The following B9D1 variants were observed in gnomAD, a reference collection of about 807,000 sequenced individuals.
B9D1 encodes B9 domain-containing protein 1.
B9D1 carries 20 observed loss-of-function variants against 26.1 expected under a neutral mutation model. The ratio of observed to expected loss-of-function variants is 0.77; its 90% CI spans 0.54 to 1.12. The LOEUF is 1.12. Among genes scored for constraint, B9D1 ranks in the 50% most tolerant of loss-of-function variants. B9D1 has a pLI of 0.00. For synonymous variants in B9D1, 105 were observed against 103.1 expected, an observed-to-expected ratio of 1.02 and a Z score of -0.11; for missense variants, 260 against 273.7, an observed-to-expected ratio of 0.95 and a Z score of 0.35.
At chr17:19,356,493 A>C (rs1910374717) in intron 3 of B9D1, among the ~76,000 whole-genome samples, 1 of 152,154 alleles carries the variant, frequency 6.6e-6, no homozygotes, top group Non-Finnish European at 1.5e-5. Context: ...CTGAGCTGAA[A>C]TCCCTGTGAG....
At chr17:19,369,830 TG>T (rs1911797916) in intron 1 of B9D1, among the ~76,000 whole-genome samples, 1 of 152,232 alleles carries the variant, frequency 6.6e-6, no homozygotes. Context: ...CGATTGCTTC[TG>T]GAAGACTCGC....
Position 19,343,606 on chromosome 17 carries a change from G to T in B9D1, c.473-145C>A, listed in dbSNP as rs556859873. On this transcript the variant is annotated intron_variant, in intron 6 of 6. Transcript: ENST00000261499. ...AAGCCCCTCACTGGGAGGTAAAGGG[G>T]CTGCCGGGACAGGCAGACATGACAA... is the stretch of plus-strand genomic sequence containing the variant. The T allele has an allele frequency of 4.4e-5, 69 of 1,572,728 alleles. No homozygotes were observed. The East Asian group carries it at 1.6e-3, about 36-fold the overall frequency.
intron 3 of B9D1, chr17:19,357,513 C>G (rs1308855853): frequency 1.7e-5 from 7 of 408,502 alleles, no homozygotes; most frequent in Middle Eastern, 7.6e-4. Flanking sequence ...TCAGCAGGCA[C>G]AGAGTCAGGC....
chr17:19,377,661 T>A (rs1912209625), intron 1 of B9D1: 1 of 182,296 alleles, frequency 5.5e-6, no homozygotes, highest in South Asian at 1.9e-4. Context: ...GGGGCGGTGC[T>A]CCATAAACAT....
At chr17:19,338,731 C>T (rs957157899), downstream of B9D1, among the ~76,000 whole-genome samples, 18 of 152,274 alleles carry the variant, frequency 1.2e-4, no homozygotes, top group East Asian at 1.5e-3. Context: ...TGGGGGAGAA[C>T]GGAGGTGTTC....
intron 3 of B9D1, among the ~76,000 whole-genome samples, chr17:19,351,415 T>C (rs1387135836): frequency 6.6e-6 from 1 of 152,252 alleles, no homozygotes; most frequent in East Asian, 1.9e-4. Flanking sequence ...AATATTTTGT[T>C]TGGGAGTTTT....
chr17:19,346,771 C>A lies in B9D1; in HGVS notation c.404+498G>T, dbSNP rs544316596. Among the ~76,000 whole-genome samples the A allele has an allele frequency of 3.3e-5, 5 of 152,320 alleles. No homozygotes were observed. In the South Asian group the frequency reaches 1.0e-3, roughly 32 times the overall value. Reference sequence around the variant, plus strand: ...CACACCACCGTCCTGGCTTCTCTAGCATGCTAAGCTCACGCTCTCCTCAGC... The same window carrying A: ...CACACCACCGTCCTGGCTTCTCTAGAATGCTAAGCTCACGCTCTCCTCAGC... On this transcript the variant is annotated intron_variant, in intron 5 of 6. Coordinates refer to ENST00000261499, the MANE Select transcript of B9D1 (RefSeq NM_015681.6).
rs143149764 is a variant in B9D1, at chr17:19,347,782, A to G, written c.341+2T>C. On this transcript the variant is annotated splice_donor_variant, in intron 4 of 6. Transcript: ENST00000261499. LOFTEE classifies it high-confidence loss of function. The surrounding 1 kb of genome is among the most constrained non-coding windows in gnomAD (Gnocchi z 4.3). ...AGGGCCCAGGTCAGAATGAGGACCT[A>G]CCGGCCAGGTGAGAAGGGCACGTGC... The G allele has an allele frequency of 4.4e-5, 71 of 1,613,852 alleles. No homozygotes were observed. The highest frequency in any genetic ancestry group is 5.8e-5 in the Non-Finnish European group (68 of 1,179,796).
At chr17:19,373,310 T>G (rs1267690428) in intron 1 of B9D1, among the ~76,000 whole-genome samples, 1 of 152,124 alleles carries the variant, frequency 6.6e-6, no homozygotes, top group African/African-American at 2.4e-5. Flanking sequence ...TGCTTCTTGG[T>G]TCCTCATTTT....
At chr17:19,351,103 T>C (rs1196634666) in intron 3 of B9D1, among the ~76,000 whole-genome samples, 1 of 152,036 alleles carries the variant, frequency 6.6e-6, no homozygotes, top group Non-Finnish European at 1.5e-5. Context: ...CCTCCCAAAG[T>C]GCTGGGATTA....
At chr17:19,375,059 G>A (rs182769440) in intron 1 of B9D1, among the ~76,000 whole-genome samples, 20 of 152,286 alleles carry the variant, frequency 1.3e-4, no homozygotes, top group African/African-American at 3.9e-4. Flanking sequence ...GGAGGCTGAC[G>A]TAGGCCGATC....
Position 19,362,674 on chromosome 17 carries a change from C to G in B9D1, c.-105G>C. ...ACGGCGTAGCGCGCAGGACACGTTTCTTGGCAGCGACACCTTCGCGAAGGC... is the reference window on the plus strand; with the variant it reads ...ACGGCGTAGCGCGCAGGACACGTTTGTTGGCAGCGACACCTTCGCGAAGGC... On this transcript the variant is annotated 5_prime_UTR_variant, in exon 1 of 7. Coordinates refer to ENST00000261499, the MANE Select transcript of B9D1 (RefSeq NM_015681.6). 1 of 1,543,034 alleles carries G rather than the reference C, an allele frequency of 6.5e-7. No homozygotes were observed. Among genetic ancestry groups the G allele is most frequent in the South Asian group, 1.2e-5 (1 of 83,980 alleles).
chr17:19,344,508 C>T (rs763348089), intron 5 of B9D1: 4 of 279,992 alleles, frequency 1.4e-5, no homozygotes, highest in African/African-American at 4.7e-5. Flanking sequence ...CAGGCCCCGC[C>T]GCCGACACAC....
chr17:19,373,933 T>C (rs1912000873), intron 1 of B9D1, among the ~76,000 whole-genome samples: 1 of 152,214 alleles, frequency 6.6e-6, no homozygotes, highest in Non-Finnish European at 1.5e-5. Flanking sequence ...ATTTGTCTAC[T>C]CAAAAATCCT....
At chr17:19,352,774 G>A (rs1940762378) in intron 3 of B9D1, among the ~76,000 whole-genome samples, 1 of 151,904 alleles carries the variant, frequency 6.6e-6, no homozygotes, top group Non-Finnish European at 1.5e-5. Flanking sequence ...GCCCGCCTTG[G>A]CCTCCCAAAG....
At position 19,370,072 on chromosome 17, in the gene B9D1, T is replaced by C. The variant is rs1338096574; in HGVS notation, c.-298+7787A>G. Among the ~76,000 whole-genome samples, 1 of 152,010 alleles carries C rather than the reference T, an allele frequency of 6.6e-6. No individual in the cohort carries two copies. Among genetic ancestry groups the C allele is most frequent in the Non-Finnish European group, 1.5e-5 (1 of 68,006 alleles). On this transcript the variant is annotated intron_variant, in intron 1 of 5. Transcript: ENST00000477478. The surrounding 1 kb of genome is among the most constrained non-coding windows in gnomAD (Gnocchi z 5.1). ...TCACAGGAAACCAGACAAGCTAGAGTTGTCACCACACCCTGGACTCAGAGA... is the reference window on the plus strand; with the variant it reads ...TCACAGGAAACCAGACAAGCTAGAGCTGTCACCACACCCTGGACTCAGAGA...
chr17:19,341,195 G>T (rs143874930), downstream of B9D1: 4 of 1,231,570 alleles, frequency 3.2e-6, no homozygotes, highest in Non-Finnish European at 4.0e-6. Context: ...TGGGGCCTGA[G>T]GCTTGTACGT....
chr17:19,341,229 A>G, downstream of B9D1: 1 of 1,231,716 alleles, frequency 8.1e-7, no homozygotes, highest in Non-Finnish European at 1.0e-6. Context: ...TAGAGGCTTC[A>G]GGGAAGCTTC....
chr17:19,348,363 AC>A (rs1275998935), intron 3 of B9D1, among the ~76,000 whole-genome samples: 2 of 152,144 alleles, frequency 1.3e-5, no homozygotes, highest in Non-Finnish European at 2.9e-5. Flanking sequence ...TATTATAGGT[AC>A]TATAATAGGT....
Sources: gnomAD v4.1 joint callset for allele counts (sites outside exome capture counted in the v4.1 genomes callset) on GRCh38, gnomAD v4.1.1 for gene constraint, Gnocchi (gnomAD v3.1) non-coding constraint, MANE v1.5 for transcripts, NCBI Gene and HGNC (gene_info 2026-07-23, HGNC 2026-07-21) for gene names.